Variants in SUPT3H observed in about 807,000 individuals in gnomAD.
SUPT3H encodes the protein SPT3 homolog, SAGA and STAGA complex component.
In SUPT3H, 44 loss-of-function variants were observed where a neutral mutation model predicts 44.3. The observed-to-expected ratio is 0.99, with a 90% confidence interval of 0.78 to 1.28. The LOEUF (loss-of-function observed/expected upper bound fraction) is 1.28. SUPT3H is among the 50% of genes most tolerant of loss of function. The probability of loss-of-function intolerance (pLI) is 0.00; values close to 1 mark genes in which losing one functional copy is unlikely to be tolerated. For missense variants in SUPT3H, 380 were observed against 387.1 expected (o/e 0.98, Z 0.15); for synonymous variants, 124 against 125.6 (o/e 0.99, Z 0.09).
At chr6:44,995,339 C>T (rs1781134355) in intron 6 of SUPT3H, among the ~76,000 whole-genome samples, 1 of 152,004 alleles carries the variant, frequency 6.6e-6, no homozygotes, top group Non-Finnish European at 1.5e-5. Flanking sequence ...TGACAATTCA[C>T]AGACAACTTT....
At chr6:45,206,476 A>G (rs1763238507) in intron 2 of SUPT3H, among the ~76,000 whole-genome samples, 1 of 152,176 alleles carries the variant, frequency 6.6e-6, no homozygotes, top group Non-Finnish European at 1.5e-5. Context: ...CACACAGCCC[A>G]TCATAAAATA....
At chr6:45,174,234 G>A (rs1179670338) in intron 2 of SUPT3H, among the ~76,000 whole-genome samples, 1 of 152,266 alleles carries the variant, frequency 6.6e-6, no homozygotes, top group East Asian at 1.9e-4. Flanking sequence ...TCCCATTAAC[G>A]TTCTACGTAA....
intron 3 of SUPT3H, among the ~76,000 whole-genome samples, chr6:45,087,174 T>C (rs1374939855): frequency 6.6e-6 from 1 of 151,960 alleles, no homozygotes; most frequent in East Asian, 1.9e-4. Context: ...TAGGAATACA[T>C]ATTTTGAAGT....
At chr6:45,088,705 G>A (rs368439435) in intron 3 of SUPT3H, among the ~76,000 whole-genome samples, 11 of 151,946 alleles carry the variant, frequency 7.2e-5, no homozygotes, top group Non-Finnish European at 1.3e-4. Flanking sequence ...GTCACATCTA[G>A]AACAGTGATT....
chr6:45,287,990 T>C (rs1779597908), intron 2 of SUPT3H, among the ~76,000 whole-genome samples: 1 of 152,204 alleles, frequency 6.6e-6, no homozygotes, highest in Admixed American at 6.5e-5. Flanking sequence ...AATTGTTATA[T>C]TTGCCTTTAA....
At chr6:44,872,550 A>G (rs1776570349) in intron 10 of SUPT3H, among the ~76,000 whole-genome samples, 1 of 152,294 alleles carries the variant, frequency 6.6e-6, no homozygotes, top group South Asian at 2.1e-4. Flanking sequence ...AATCATGACA[A>G]AATGTAAAGA....
intron 3 of SUPT3H, among the ~76,000 whole-genome samples, chr6:45,103,636 G>A (rs1798890295): frequency 6.6e-6 from 1 of 152,124 alleles, no homozygotes; most frequent in African/African-American, 2.4e-5. Context: ...AACAACAGAA[G>A]AAAAAGGGGC....
At chr6:44,992,670 TA>T (rs996946019) in intron 6 of SUPT3H, among the ~76,000 whole-genome samples, 1 of 152,032 alleles carries the variant, frequency 6.6e-6, no homozygotes, top group African/African-American at 2.4e-5. Flanking sequence ...AAGAAAGGAA[TA>T]GGGGGAAGAA....
intron 2 of SUPT3H, among the ~76,000 whole-genome samples, chr6:45,223,077 A>G (rs2153636302): frequency 6.6e-6 from 1 of 152,108 alleles, no homozygotes; most frequent in Admixed American, 6.5e-5. Context: ...GGAGGCTATA[A>G]AAGGGGAAGC....
At chr6:44,900,531 G>C (rs1220063088) in intron 10 of SUPT3H, among the ~76,000 whole-genome samples, 3 of 152,188 alleles carry the variant, frequency 2.0e-5, no homozygotes, top group Non-Finnish European at 4.4e-5. Context: ...CAGGAAGCTC[G>C]AACTGGGTGG....
intron 10 of SUPT3H, among the ~76,000 whole-genome samples, chr6:44,928,461 C>T (rs1769892020): frequency 1.3e-5 from 2 of 152,064 alleles, no homozygotes; most frequent in African/African-American, 4.8e-5. Flanking sequence ...GTGTTTGAAG[C>T]TAGGGGTTGG....
chr6:45,066,609 CAA>C (rs1376252849), intron 3 of SUPT3H, among the ~76,000 whole-genome samples: 1 of 104,352 alleles, frequency 9.6e-6, no homozygotes, highest in African/African-American at 3.9e-5. Flanking sequence ...GCAACTTCAG[CAA>C]AGTCTCAGGA....
intron 6 of SUPT3H, among the ~76,000 whole-genome samples, chr6:44,987,046 T>C (rs1582912908): frequency 6.6e-6 from 1 of 152,220 alleles, no homozygotes; most frequent in African/African-American, 2.4e-5. Flanking sequence ...AGGTTCAACA[T>C]CAGGGTGCCA....
chr6:44,830,302 G>C (rs1768413148), intron 10 of SUPT3H, among the ~76,000 whole-genome samples: 1 of 152,118 alleles, frequency 6.6e-6, no homozygotes. Flanking sequence ...AAAGCTGTCG[G>C]AACAGACACT....
At chr6:45,228,765 A>C (rs1344270325) in intron 2 of SUPT3H, among the ~76,000 whole-genome samples, 1 of 152,008 alleles carries the variant, frequency 6.6e-6, no homozygotes, top group Non-Finnish European at 1.5e-5. Context: ...TCTCCTCCCA[A>C]AGAAGCTGGG....
At chr6:44,832,990 G>C (rs1279639312) in intron 10 of SUPT3H, among the ~76,000 whole-genome samples, 2 of 152,020 alleles carry the variant, frequency 1.3e-5, no homozygotes, top group African/African-American at 4.8e-5. Context: ...AAAAGCAAAA[G>C]ATTAATATTT....
chr6:45,088,829 T>C (rs948487388), intron 3 of SUPT3H, among the ~76,000 whole-genome samples: 1 of 152,074 alleles, frequency 6.6e-6, no homozygotes, highest in Non-Finnish European at 1.5e-5. Flanking sequence ...TTGATTGTTA[T>C]ATGATTTTAA....
intron 10 of SUPT3H, among the ~76,000 whole-genome samples, chr6:44,840,966 T>C (rs1344399665): frequency 6.6e-6 from 1 of 152,218 alleles, no homozygotes; most frequent in East Asian, 1.9e-4. Context: ...CATCTAACTT[T>C]GGAGAAGAGA....
chr6:44,891,697 C>T (rs565177657), intron 10 of SUPT3H, among the ~76,000 whole-genome samples: 2 of 151,978 alleles, frequency 1.3e-5, no homozygotes, highest in South Asian at 4.2e-4. Flanking sequence ...TTGTACAACA[C>T]TGTGAATGTA....
Sources: gnomAD v4.1 joint callset for allele counts (sites outside exome capture counted in the v4.1 genomes callset) on GRCh38, gnomAD v4.1.1 for gene constraint, MANE v1.5 for transcripts, NCBI Gene and HGNC (gene_info 2026-07-23, HGNC 2026-07-21) for gene names.